SP4: variants seen among roughly 807,000 people sequenced by gnomAD.
SP4 encodes transcription factor Sp4.
In SP4, 19 loss-of-function variants were observed where a neutral mutation model predicts 72.8. The ratio of observed to expected loss-of-function variants is 0.26; its 90% CI spans 0.18 to 0.38. The LOEUF is 0.38. SP4 is among the 10% of genes least tolerant of loss of function. The pLI, the probability that SP4 is intolerant of heterozygous loss-of-function variation, is 1.00. For missense variants in SP4, 1,008 were observed against 926.3 expected (o/e 1.09, Z -1.14); for synonymous variants, 395 against 333.1 (o/e 1.19, Z -2.02).
At chr7:21,467,427 TAG>T (rs1784200090) in intron 3 of SP4, among the ~76,000 whole-genome samples, 1 of 152,178 alleles carries the variant, frequency 6.6e-6, no homozygotes, top group Non-Finnish European at 1.5e-5. Flanking sequence ...GGTATATTGA[TAG>T]AGTTTTGCAG....
intron 5 of SP4, among the ~76,000 whole-genome samples, chr7:21,510,470 G>GT (rs1194020481): frequency 6.6e-6 from 1 of 152,142 alleles, no homozygotes; most frequent in African/African-American, 2.4e-5. Flanking sequence ...AACAGAAACT[G>GT]TTATCTTATG....
intron 4 of SP4, among the ~76,000 whole-genome samples, chr7:21,480,962 A>G (rs1451941056): frequency 1.3e-5 from 2 of 152,182 alleles, no homozygotes; most frequent in Admixed American, 6.6e-5. Context: ...GGGTTGAGAC[A>G]GTGGCTTTCT....
At chr7:21,481,843 C>A in intron 4 of SP4, 81 bp from the exon 5 acceptor site, 1 of 1,001,650 alleles carries the variant, frequency 1.0e-6, no homozygotes, top group Non-Finnish European at 1.6e-6. Flanking sequence ...CATTTAATTA[C>A]CTTGATTCTT....
intron 3 of SP4, among the ~76,000 whole-genome samples, chr7:21,447,408 C>T (rs1783462266): frequency 1.3e-5 from 2 of 152,134 alleles, no homozygotes; most frequent in African/African-American, 4.8e-5. Flanking sequence ...GGTTAGTGTG[C>T]CCCAGGGACA....
intron 4 of SP4, among the ~76,000 whole-genome samples, chr7:21,480,714 G>A (rs184439763): frequency 6.4e-4 from 98 of 152,300 alleles, no homozygotes; most frequent in African/African-American, 2.1e-3. Context: ...GTTCTTCACA[G>A]CCTCTTTGCT....
intron 5 of SP4, among the ~76,000 whole-genome samples, chr7:21,509,578 A>C (rs913263985): frequency 6.6e-6 from 1 of 152,098 alleles, no homozygotes; most frequent in African/African-American, 2.4e-5. Context: ...GTTTAATACA[A>C]TATTGTATTG....
At chr7:21,435,128 AATC>A (rs1366047027) in intron 3 of SP4, among the ~76,000 whole-genome samples, 3 of 152,356 alleles carry the variant, frequency 2.0e-5, no homozygotes, top group Admixed American at 2.0e-4. Flanking sequence ...TTTTGGCAGT[AATC>A]ATCATATGTA....
chr7:21,490,054 G>C (rs927999785), intron 5 of SP4, among the ~76,000 whole-genome samples: 2 of 152,194 alleles, frequency 1.3e-5, no homozygotes, highest in African/African-American at 4.8e-5. Flanking sequence ...TCTACAACTT[G>C]TCTGTTCCAT....
At chr7:21,428,639 C>T (rs771516055) in intron 1 of SP4, 38 bp from the exon 2 acceptor site, 46 of 1,511,502 alleles carry the variant, frequency 3.0e-5, no homozygotes, top group Non-Finnish European at 3.9e-5. Context: ...TCCTAATAAC[C>T]TGTTGTCGTG....
chr7:21,432,917 C>T (rs963281104), intron 3 of SP4, among the ~76,000 whole-genome samples: 8 of 152,124 alleles, frequency 5.3e-5, no homozygotes, highest in Non-Finnish European at 1.5e-5. Flanking sequence ...TCGCTTGTAC[C>T]CGGGGGATCC....
intron 3 of SP4, among the ~76,000 whole-genome samples, chr7:21,456,052 A>G (rs1393057412): frequency 2.6e-5 from 4 of 152,210 alleles, no homozygotes; most frequent in South Asian, 2.1e-4. Flanking sequence ...CTAGAGGAAT[A>G]CTCATGGAAA....
intron 5 of SP4, among the ~76,000 whole-genome samples, chr7:21,489,764 T>G (rs1454658768): frequency 1.3e-5 from 2 of 152,038 alleles, no homozygotes; most frequent in African/African-American, 4.8e-5. Flanking sequence ...TTTCACTGTG[T>G]TAGCCAGGAT....
intron 4 of SP4, among the ~76,000 whole-genome samples, chr7:21,478,621 A>ATCT (rs1784585764): frequency 6.6e-6 from 1 of 152,222 alleles, no homozygotes; most frequent in South Asian, 2.1e-4. Flanking sequence ...GATATTGAGC[A>ATCT]TCTTTTCTTG....
In SP4 at chr7:21,429,406, G is replaced by C. The variant is rs1462282278; in HGVS notation, c.241G>C (p.Val81Leu). ...TATTATAGATCCAAGTCAAGGATTGGTGCAACTTCAAAATCAACCACAACA... is the reference window on the plus strand; with the variant it reads ...TATTATAGATCCAAGTCAAGGATTGCTGCAACTTCAAAATCAACCACAACA... Reference protein sequence around the residue: ...QIIIDPSQGLVQLQNQPQQLE... With the variant: ...QIIIDPSQGLLQLQNQPQQLE... The change falls in exon 3 of 6, where the codon GTG (valine) becomes CTG (leucine). Residue 81 changes from valine (V) to leucine (L), a missense_variant. Val to Leu is a conservative substitution (Grantham distance 32). Transcript: ENST00000222584. 1 of 1,614,044 alleles carries C rather than the reference G, an allele frequency of 6.2e-7. No homozygotes were observed. The highest frequency in any genetic ancestry group is 1.1e-5 in the South Asian group (1 of 91,080).
chr7:21,444,122 C>A (rs997699858), intron 3 of SP4, among the ~76,000 whole-genome samples: 1 of 152,140 alleles, frequency 6.6e-6, no homozygotes, highest in African/African-American at 2.4e-5. Context: ...ACCTGTACTC[C>A]CTACTGGCAG....
chr7:21,485,223 A>G (rs1401150039), intron 5 of SP4, among the ~76,000 whole-genome samples: 1 of 152,012 alleles, frequency 6.6e-6, no homozygotes, highest in East Asian at 1.9e-4. Flanking sequence ...AGCAACAACT[A>G]TGCTTTATTT....
Position 21,429,642 on chromosome 7 carries a change from A to C in SP4, c.477A>C (p.Pro159=), listed in dbSNP as rs1307978956. ...GQFQVIQVQN[P]SGSVQYQVIP... is the part of the protein sequence containing the mutation. ...TTCAAGTCATACAAGTACAAAATCC[A>C]AGTGGTAGTGTACAGTACCAAGTAA... Residue 159 remains proline (P), a synonymous_variant, in exon 3 of 6, where the codon CCA becomes CCC. Coordinates refer to ENST00000222584, the MANE Select transcript of SP4 (RefSeq NM_003112.5). 1 of 1,614,108 alleles carries C rather than the reference A, an allele frequency of 6.2e-7. No homozygotes were observed. The highest frequency in any genetic ancestry group is 1.7e-5 in the Admixed American group (1 of 60,032).
intron 5 of SP4, among the ~76,000 whole-genome samples, chr7:21,493,942 TAATGC>T (rs1785041416): frequency 6.6e-6 from 1 of 152,150 alleles, no homozygotes; most frequent in Admixed American, 6.5e-5. Flanking sequence ...ATAAAAAGGA[TAATGC>T]ATTGTTACGT....
At chr7:21,432,980 C>T (rs900154763) in intron 3 of SP4, among the ~76,000 whole-genome samples, 2 of 152,040 alleles carry the variant, frequency 1.3e-5, no homozygotes, top group Non-Finnish European at 1.5e-5. Flanking sequence ...AGTGACAGAG[C>T]GAGACCCTCT....
Sources: gnomAD v4.1 joint callset for allele counts (sites outside exome capture counted in the v4.1 genomes callset) on GRCh38, gnomAD v4.1.1 for gene constraint, MANE v1.5 for transcripts, NCBI Gene and HGNC (gene_info 2026-07-23, HGNC 2026-07-21) for gene names.